Variants in DMD observed in about 807,000 individuals in gnomAD.
DMD encodes mutant dystrophin.
A neutral mutation model predicts 330.1 loss-of-function variants in DMD; 63 were observed. The observed-to-expected ratio is 0.19, with a 90% CI of 0.16 to 0.24. DMD has a LOEUF of 0.24. Among genes scored for constraint, DMD ranks in the 10% least tolerant of loss-of-function variants. DMD has a pLI of 1.00. For synonymous variants in DMD, 1,223 were observed against 959.8 expected (o/e 1.27, Z -5.07); for missense variants, 3,344 against 2,684.1 (o/e 1.25, Z -5.43).
At chrX:32,787,247 T>A (rs2748300) in intron 7 of DMD, among the ~76,000 whole-genome samples, 22,087 of 76,780 alleles carry the variant, frequency 0.29, 2,949 homozygotes, top group East Asian at 0.47. Flanking sequence ...TGTGTGTGTG[T>A]GAGAGAGAGA....
At chrX:31,391,921 G>C (rs1320560548) in intron 60 of DMD, among the ~76,000 whole-genome samples, 2 of 111,145 alleles carry the variant, frequency 1.8e-5, no homozygotes, top group Non-Finnish European at 1.9e-5. Flanking sequence ...CATTTAGTAG[G>C]AAAAATCAAG....
In DMD at chrX:32,152,619, T is replaced by C. The variant is rs569721185; in HGVS notation, c.6438+64297A>G. 5.4e-5 allele frequency among the ~76,000 whole-genome samples: 6 copies of C among 112,072 alleles called. No individual in the cohort carries two copies. The South Asian group carries it at 2.2e-3, about 41-fold the overall frequency. ...CTTTCTTTTGCTGATAATAAATATG[T>C]GGATGGTATAGTCTCCAGAGAGCGA... On this transcript the variant is annotated intron_variant, in intron 44 of 78. Coordinates refer to ENST00000357033, the MANE Select transcript of DMD (RefSeq NM_004006.3).
intron 44 of DMD, among the ~76,000 whole-genome samples, chrX:32,100,454 A>C (rs186671890): frequency 1.8e-5 from 2 of 109,010 alleles, no homozygotes; most frequent in Non-Finnish European, 3.8e-5. Context: ...AGGAAGTTTA[A>C]AGCCTTGGAG....
chrX:32,472,291 G>A lies in DMD; in HGVS notation c.2822C>T (p.Pro941Leu), dbSNP rs373914964. 5 of 1,210,467 alleles carry A rather than the reference G, an allele frequency of 4.1e-6. No individual in the cohort carries two copies. The highest frequency in any genetic ancestry group is 5.6e-6 in the Non-Finnish European group (5 of 894,931). Residue 941 changes from proline to leucine, a missense_variant, in exon 22 of 79, where the codon CCA becomes CTA. Transcript: ENST00000357033. ...ACTCATGGTCTCCTGATAGCGCATTGGTGGCAAAGTGTCAAAAACTTTATC... is the reference window on the plus strand; with the variant it reads ...ACTCATGGTCTCCTGATAGCGCATTAGTGGCAAAGTGTCAAAAACTTTATC... ...ELQTIFDTLP[P>L]MRYQETMSAI...
chrX:31,925,104 A>G (rs1362477843), intron 47 of DMD, among the ~76,000 whole-genome samples: 1 of 112,110 alleles, frequency 8.9e-6, no homozygotes, highest in East Asian at 2.8e-4. Flanking sequence ...AAGGTTCTAG[A>G]AAGTAATTTT....
At chrX:31,850,773 T>C (rs2093510254) in intron 48 of DMD, among the ~76,000 whole-genome samples, 1 of 112,585 alleles carries the variant, frequency 8.9e-6, no homozygotes, top group Non-Finnish European at 1.9e-5. Context: ...TTGTTATATG[T>C]CACTGGAATT....
intron 9 of DMD, among the ~76,000 whole-genome samples, chrX:32,672,399 T>G (rs181931933): frequency 1.8e-5 from 2 of 111,541 alleles, no homozygotes; most frequent in Non-Finnish European, 3.8e-5. Context: ...ATTCATGATA[T>G]ATTTTATTCT....
chrX:32,737,643 C>T (rs1288848396), intron 7 of DMD, among the ~76,000 whole-genome samples: 1 of 111,909 alleles, frequency 8.9e-6, no homozygotes, highest in African/African-American at 3.2e-5. Flanking sequence ...GATAATACTG[C>T]ACACACCATT....
At chrX:32,047,818 A>G (rs893092823) in intron 44 of DMD, among the ~76,000 whole-genome samples, 8 of 110,897 alleles carry the variant, frequency 7.2e-5, no homozygotes, top group Non-Finnish European at 1.1e-4. Flanking sequence ...TAATTTTGCA[A>G]ATCTGTTTGT....
At chrX:33,108,866 C>A (rs868040652) in intron 1 of DMD, among the ~76,000 whole-genome samples, 3 of 4,965 alleles carry the variant, frequency 6.0e-4, no homozygotes, top group Admixed American at 4.9e-3. Flanking sequence ...AACTCCGTTT[C>A]GGAAAAAAAA....
At chrX:32,368,728 T>C (rs1043074270) in intron 34 of DMD, among the ~76,000 whole-genome samples, 1 of 111,516 alleles carries the variant, frequency 9.0e-6, no homozygotes, top group African/African-American at 3.3e-5. Flanking sequence ...TGAAAAGATA[T>C]GGCATTTCCT....
intron 29 of DMD, among the ~76,000 whole-genome samples, chrX:32,435,268 A>G (rs1340477328): frequency 1.3e-5 from 1 of 78,450 alleles, no homozygotes; most frequent in Non-Finnish European, 2.3e-5. Context: ...ATTTTAATAT[A>G]TACTTACATA....
intron 34 of DMD, among the ~76,000 whole-genome samples, chrX:32,366,922 C>T (rs766502327): frequency 8.9e-6 from 1 of 112,097 alleles, no homozygotes; most frequent in African/African-American, 3.2e-5. Flanking sequence ...CAGATGAACT[C>T]GACAGCTATC....
intron 19 of DMD, among the ~76,000 whole-genome samples, chrX:32,500,775 G>A (rs2043973599): frequency 9.0e-6 from 1 of 111,557 alleles, no homozygotes; most frequent in African/African-American, 3.3e-5. Context: ...ACCAAATACA[G>A]TCAGTCATGG....
At chrX:32,705,436 C>G (rs1276573333) in intron 7 of DMD, among the ~76,000 whole-genome samples, 1 of 111,973 alleles carries the variant, frequency 8.9e-6, no homozygotes, top group Non-Finnish European at 1.9e-5. Context: ...ACAATTTTAT[C>G]TTTTGCACTT....
intron 3 of DMD, among the ~76,000 whole-genome samples, chrX:32,849,185 C>T (rs1044599172): frequency 3.6e-5 from 4 of 111,648 alleles, no homozygotes; most frequent in Admixed American, 9.5e-5. Context: ...TTCTTTCCCC[C>T]CCCAGTGTAA....
At chrX:32,368,966 C>A (rs142616216) in intron 34 of DMD, among the ~76,000 whole-genome samples, 17 of 111,520 alleles carry the variant, frequency 1.5e-4, no homozygotes, top group Non-Finnish European at 3.2e-4. Context: ...TGTGTACACT[C>A]AGTTTTAACT....
At chrX:31,801,594 CA>C (rs1778321121) in intron 50 of DMD, among the ~76,000 whole-genome samples, 5 of 68,032 alleles carry the variant, frequency 7.3e-5, no homozygotes, top group Admixed American at 1.8e-4. Context: ...CCCCCCCCAA[CA>C]CACACACAAT....
chrX:31,624,957 C>A (rs1174609464), intron 55 of DMD, among the ~76,000 whole-genome samples: 1 of 112,272 alleles, frequency 8.9e-6, no homozygotes, highest in Non-Finnish European at 1.9e-5. Flanking sequence ...CTCGGCATTT[C>A]CATTTGTTGC....
Sources: allele counts gnomAD v4.1 joint callset (sites outside exome capture counted in the v4.1 genomes callset), GRCh38; gene constraint gnomAD v4.1.1; transcripts MANE v1.5; gene names NCBI Gene and HGNC (gene_info 2026-07-23, HGNC 2026-07-21).